The following PRKCA variants were observed in gnomAD, a reference collection of about 807,000 sequenced individuals.
PRKCA encodes protein kinase C alpha, also known as protein kinase C alpha type.
In PRKCA, 27 loss-of-function variants were observed where a neutral mutation model predicts 87.0. The observed-to-expected ratio is 0.31, with a 90% CI of 0.23 to 0.43. The LOEUF is 0.43. Ranked by LOEUF, PRKCA falls within the 20% of genes least tolerant of loss-of-function variation. The pLI is 1.00. For missense variants in PRKCA, 518 were observed against 852.3 expected, an observed-to-expected ratio of 0.61 and a Z score of 4.88; for synonymous variants, 329 against 311.1, an observed-to-expected ratio of 1.06 and a Z score of -0.61.
intron 3 of PRKCA, among the ~76,000 whole-genome samples, chr17:66,606,759 T>G (rs1046539301): frequency 6.6e-6 from 1 of 152,194 alleles, no homozygotes; most frequent in Non-Finnish European, 1.5e-5. Flanking sequence ...TATCAAGAGT[T>G]GTAAAACATT....
chr17:66,317,885 T>C (rs1240613707), intron 2 of PRKCA, among the ~76,000 whole-genome samples: 1 of 152,246 alleles, frequency 6.6e-6, no homozygotes, highest in Non-Finnish European at 1.5e-5. Flanking sequence ...AGATTACTCA[T>C]TTTTTAAAAA....
At chr17:66,634,984 A>G (rs1158698252) in intron 3 of PRKCA, among the ~76,000 whole-genome samples, 2 of 152,228 alleles carry the variant, frequency 1.3e-5, no homozygotes, top group Non-Finnish European at 2.9e-5. Flanking sequence ...CAGAAATAAA[A>G]TGCTCTGGAA....
intron 2 of PRKCA, among the ~76,000 whole-genome samples, chr17:66,429,559 A>G (rs1238164028): frequency 6.6e-6 from 1 of 152,074 alleles, no homozygotes; most frequent in Admixed American, 6.5e-5. Context: ...TAGGGCTGGG[A>G]AGAGATTTAG....
chr17:66,352,258 A>G (rs1907785645), intron 2 of PRKCA, among the ~76,000 whole-genome samples: 1 of 152,036 alleles, frequency 6.6e-6, no homozygotes, highest in South Asian at 2.1e-4. Context: ...TATTTCCTTT[A>G]TTTCTAATTA....
chr17:66,422,935 A>G (rs1024167663), intron 2 of PRKCA, among the ~76,000 whole-genome samples: 3 of 151,636 alleles, frequency 2.0e-5, no homozygotes, highest in African/African-American at 7.3e-5. Context: ...ACATGGTGAA[A>G]CCCCGTCTCT....
At chr17:66,699,260 GAA>G (rs1195943549) in intron 8 of PRKCA, among the ~76,000 whole-genome samples, 5 of 145,006 alleles carry the variant, frequency 3.4e-5, no homozygotes, top group African/African-American at 5.0e-5. Context: ...TGATTTTTTT[GAA>G]AACATAAACA....
intron 3 of PRKCA, among the ~76,000 whole-genome samples, chr17:66,608,629 G>A (rs1039807625): frequency 6.6e-6 from 1 of 152,084 alleles, no homozygotes; most frequent in Non-Finnish European, 1.5e-5. Context: ...GACTCTTTAG[G>A]AAGAAAACAA....
chr17:66,710,470 A>G (rs1440751846), intron 8 of PRKCA, among the ~76,000 whole-genome samples: 1 of 152,014 alleles, frequency 6.6e-6, no homozygotes, highest in African/African-American at 2.4e-5. Flanking sequence ...TCTTAAAGGT[A>G]GTTCTTCCTC....
intron 3 of PRKCA, among the ~76,000 whole-genome samples, chr17:66,546,834 G>T (rs1466209169): frequency 6.6e-6 from 1 of 152,112 alleles, no homozygotes; most frequent in Non-Finnish European, 1.5e-5. Flanking sequence ...GGTTGATCTA[G>T]GGCTTGTAAT....
chr17:66,797,496 G>A (rs1375744270), intron 16 of PRKCA, among the ~76,000 whole-genome samples: 1 of 152,162 alleles, frequency 6.6e-6, no homozygotes, highest in Non-Finnish European at 1.5e-5. Context: ...CCTTTTACAT[G>A]CTAGTGCTTG....
chr17:66,394,390 G>A (rs561067852), intron 2 of PRKCA, among the ~76,000 whole-genome samples: 2 of 152,228 alleles, frequency 1.3e-5, no homozygotes, highest in East Asian at 3.9e-4. Flanking sequence ...CACTTCCGAA[G>A]TATTGGCTTA....
chr17:66,515,936 A>G (rs1181607106), intron 3 of PRKCA, among the ~76,000 whole-genome samples: 1 of 152,142 alleles, frequency 6.6e-6, no homozygotes, highest in Non-Finnish European at 1.5e-5. Flanking sequence ...TGGTAGTTGT[A>G]CTATGTCTAA....
intron 8 of PRKCA, among the ~76,000 whole-genome samples, chr17:66,719,823 T>C (rs759798057): frequency 1.3e-5 from 2 of 152,270 alleles, no homozygotes; most frequent in African/African-American, 2.4e-5. Flanking sequence ...TTTTTTCTGA[T>C]GTATCCATGC....
chr17:66,749,253 TC>T (rs945357250), intron 13 of PRKCA, among the ~76,000 whole-genome samples: 4 of 151,612 alleles, frequency 2.6e-5, no homozygotes, highest in African/African-American at 7.3e-5. Context: ...AGCACCTGCC[TC>T]CCCGCCCCAT....
At chr17:66,679,502 G>A (rs528338635) in intron 5 of PRKCA, among the ~76,000 whole-genome samples, 8 of 152,250 alleles carry the variant, frequency 5.3e-5, no homozygotes, top group Admixed American at 4.6e-4. Flanking sequence ...TTTAAATCAG[G>A]TGCAGCACCT....
chr17:66,683,670 G>A (rs149699964), intron 5 of PRKCA, among the ~76,000 whole-genome samples: 1,713 of 152,266 alleles, frequency 0.011, 34 homozygotes, highest in African/African-American at 0.039. Context: ...CATGATCTCA[G>A]CTCACTGCAG....
chr17:66,461,528 G>A (rs1265948016), intron 2 of PRKCA, among the ~76,000 whole-genome samples: 1 of 152,154 alleles, frequency 6.6e-6, no homozygotes, highest in African/African-American at 2.4e-5. Context: ...TCAGATTTCA[G>A]TGCTATGATA....
intron 2 of PRKCA, among the ~76,000 whole-genome samples, chr17:66,431,274 G>A (rs184320306): frequency 3.3e-5 from 5 of 152,204 alleles, no homozygotes; most frequent in African/African-American, 1.2e-4. Flanking sequence ...GCTTTATGTT[G>A]CGCAATATTC....
chr17:66,564,238 C>T (rs1968819355), intron 3 of PRKCA, among the ~76,000 whole-genome samples: 1 of 152,074 alleles, frequency 6.6e-6, no homozygotes, highest in Non-Finnish European at 1.5e-5. Flanking sequence ...ACCACTACAC[C>T]TGGCTAATTT....
Sources: allele counts gnomAD v4.1 joint callset (sites outside exome capture counted in the v4.1 genomes callset), GRCh38; gene constraint gnomAD v4.1.1; transcripts MANE v1.5; gene names NCBI Gene and HGNC (gene_info 2026-07-23, HGNC 2026-07-21).